Variants in PLXNA4 observed in about 807,000 individuals in gnomAD.
The protein encoded by PLXNA4 is plexin-A4.
In PLXNA4, 44 loss-of-function variants were observed where a neutral mutation model predicts 191.8. The observed-to-expected ratio is 0.23, with a 90% CI of 0.18 to 0.29. PLXNA4 has a LOEUF of 0.29. PLXNA4 is among the 10% of genes least tolerant of loss of function. The pLI is 1.00. For missense variants in PLXNA4, 1,800 were observed against 2,488.8 expected, an observed-to-expected ratio of 0.72 and a Z score of 5.89; for synonymous variants, 1,082 against 1,009.5, an observed-to-expected ratio of 1.07 and a Z score of -1.36.
intron 29 of PLXNA4, among the ~76,000 whole-genome samples, chr7:132,143,890 G>A (rs75171292): frequency 0.069 from 10,447 of 152,242 alleles, 522 homozygotes; most frequent in African/African-American, 0.13. Flanking sequence ...CCATGCTTTG[G>A]TTCTGTGGTC....
intron 3 of PLXNA4, among the ~76,000 whole-genome samples, chr7:132,316,118 G>A (rs1054563346): frequency 6.6e-6 from 1 of 152,194 alleles, no homozygotes; most frequent in Non-Finnish European, 1.5e-5. Flanking sequence ...TGCCCTTGAA[G>A]AGGGGCACTG....
chr7:132,180,645 C>T lies in PLXNA4; in HGVS notation c.3580G>A (p.Val1194Met), dbSNP rs770408803. ...LVGEKPCTVT[V>M]SDVQLLCESP... is the part of the protein sequence containing the mutation. ...TCGCAGAGCAGCTGGACATCTGACACGGTCACGGTGCACGGCTTCTCCCCA... is the reference window on the plus strand; with the variant it reads ...TCGCAGAGCAGCTGGACATCTGACATGGTCACGGTGCACGGCTTCTCCCCA... The change falls in exon 19 of 32, where the codon GTG becomes ATG. Residue 1194 changes from valine to methionine, a missense_variant. This residue lies in a region of PLXNA4 where 1,397 missense variants were observed against 1,880.4 expected (regional missense o/e 0.74). Coordinates refer to ENST00000321063, the MANE Select transcript of PLXNA4 (RefSeq NM_020911.2). The T allele has an allele frequency of 8.1e-6, 13 of 1,614,200 alleles. No individual in the cohort carries two copies. The highest frequency in any genetic ancestry group is 1.6e-4 in the Middle Eastern group (1 of 6,062).
intron 3 of PLXNA4, among the ~76,000 whole-genome samples, chr7:132,378,942 C>G (rs1188936695): frequency 6.6e-6 from 1 of 150,774 alleles, no homozygotes; most frequent in African/African-American, 2.5e-5. Context: ...ACCTCCGCCT[C>G]CCAGGCTCAA....
intron 14 of PLXNA4, among the ~76,000 whole-genome samples, chr7:132,192,299 A>G (rs955028567): frequency 6.6e-6 from 1 of 152,212 alleles, no homozygotes; most frequent in Non-Finnish European, 1.5e-5. Context: ...AGCCAGAACC[A>G]TCAAGTCATA....
At chr7:132,186,478 C>G (rs1406191508) in intron 15 of PLXNA4, among the ~76,000 whole-genome samples, 1 of 152,168 alleles carries the variant, frequency 6.6e-6, no homozygotes. Flanking sequence ...GGCCATGAAG[C>G]ATATGGAGCC....
At chr7:132,501,009 G>T (rs970809991) in intron 2 of PLXNA4, among the ~76,000 whole-genome samples, 1 of 152,198 alleles carries the variant, frequency 6.6e-6, no homozygotes, top group African/African-American at 2.4e-5. Context: ...TCCAGATCTG[G>T]ATTGTTAAGT....
intron 1 of PLXNA4, among the ~76,000 whole-genome samples, chr7:132,510,883 AAG>A (rs1219150815): frequency 6.6e-6 from 1 of 152,228 alleles, no homozygotes; most frequent in African/African-American, 2.4e-5. Flanking sequence ...TGAGGCTGAA[AAG>A]AGAGAGCTTC....
chr7:132,477,314 G>T (rs530906316), intron 3 of PLXNA4, among the ~76,000 whole-genome samples: 2 of 152,246 alleles, frequency 1.3e-5, no homozygotes, highest in South Asian at 4.1e-4. Context: ...CATTCACTTT[G>T]GCTGGGCCAA....
At chr7:132,537,496 G>T (rs1163742636) in intron 1 of PLXNA4, among the ~76,000 whole-genome samples, 1 of 152,238 alleles carries the variant, frequency 6.6e-6, no homozygotes, top group Non-Finnish European at 1.5e-5. Context: ...CAGCACCCAA[G>T]TTCCTATTTC....
chr7:132,160,410 A>G (rs1795915122), intron 24 of PLXNA4, among the ~76,000 whole-genome samples: 1 of 152,122 alleles, frequency 6.6e-6, no homozygotes, highest in East Asian at 1.9e-4. Flanking sequence ...TCACCAAATT[A>G]TCTTTTTATT....
At chr7:132,167,364 A>G (rs1419205143) in intron 22 of PLXNA4, among the ~76,000 whole-genome samples, 1 of 152,176 alleles carries the variant, frequency 6.6e-6, no homozygotes, top group Non-Finnish European at 1.5e-5. Context: ...AGCCTACAGC[A>G]GGTGCGAGGA....
At chr7:132,305,218 ATAGATGCATTTCAATAT>A (rs1330623112) in intron 3 of PLXNA4, among the ~76,000 whole-genome samples, 1 of 152,150 alleles carries the variant, frequency 6.6e-6, no homozygotes, top group African/African-American at 2.4e-5. Context: ...TAACAATTGC[ATAGATGCATTTCAATAT>A]TAACGACTGG....
intron 3 of PLXNA4, among the ~76,000 whole-genome samples, chr7:132,368,223 T>C (rs961873642): frequency 1.5e-4 from 23 of 152,240 alleles, no homozygotes; most frequent in African/African-American, 5.5e-4. Flanking sequence ...GAAGGGCATT[T>C]AGAGGGAGTG....
intron 20 of PLXNA4, among the ~76,000 whole-genome samples, chr7:132,175,893 A>G (rs1336101775): frequency 1.3e-5 from 2 of 151,022 alleles, no homozygotes; most frequent in African/African-American, 2.4e-5. Context: ...TAACTATTAA[A>G]AAATATTTCT....
In PLXNA4 at chr7:132,178,876, C is replaced by T. The variant is rs1044271886; in HGVS notation, c.3874+811G>A. Reference sequence around the variant, plus strand: ...CACACACACACACACACACACACAGCCTCCAGCACTGCCCACAGCTGCCTG... The same window carrying T: ...CACACACACACACACACACACACAGTCTCCAGCACTGCCCACAGCTGCCTG... On this transcript the variant is annotated intron_variant, in intron 20 of 31. Coordinates refer to ENST00000321063, the MANE Select transcript of PLXNA4 (RefSeq NM_020911.2). Among the ~76,000 whole-genome samples the T allele has an allele frequency of 7.4e-5, 9 of 121,292 alleles. 1 individual carries two copies. In the East Asian group the frequency reaches 2.6e-3, roughly 34 times the overall value. 79.6% of individuals were successfully genotyped at this position (121,292 alleles called of 152,430 possible).
intron 2 of PLXNA4, among the ~76,000 whole-genome samples, chr7:132,593,714 C>G (rs150286428): frequency 6.6e-6 from 1 of 152,310 alleles, no homozygotes; most frequent in African/African-American, 2.4e-5. Context: ...CACATGGGCT[C>G]CCTGAAGACA....
intron 2 of PLXNA4, among the ~76,000 whole-genome samples, chr7:132,627,591 A>C (rs1803405318): frequency 6.6e-6 from 1 of 152,234 alleles, no homozygotes; most frequent in Non-Finnish European, 1.5e-5. Context: ...TATTAAGAGA[A>C]AGTGATTAGG....
intron 25 of PLXNA4, among the ~76,000 whole-genome samples, chr7:132,152,319 G>T (rs531956446): frequency 4.6e-5 from 7 of 152,178 alleles, no homozygotes; most frequent in Admixed American, 2.6e-4. Flanking sequence ...TGAGTCAGCT[G>T]AGGATGAGAC....
At chr7:132,442,100 C>T (rs980567312) in intron 3 of PLXNA4, among the ~76,000 whole-genome samples, 1 of 152,172 alleles carries the variant, frequency 6.6e-6, no homozygotes, top group Non-Finnish European at 1.5e-5. Context: ...AGCCCCAAGC[C>T]CTTAATGATC....
Sources: gnomAD v4.1 joint callset for allele counts (sites outside exome capture counted in the v4.1 genomes callset) on GRCh38, gnomAD v4.1.1 for gene constraint, gnomAD v4.1.1 regional missense constraint, MANE v1.5 for transcripts, NCBI Gene and HGNC (gene_info 2026-07-23, HGNC 2026-07-21) for gene names.